The following TGFBR3 variants were observed in gnomAD, a reference collection of about 807,000 sequenced individuals.
TGFBR3 encodes transforming growth factor beta receptor type 3.
TGFBR3 carries 46 observed loss-of-function variants against 87.9 expected under a neutral mutation model. That is an observed-to-expected ratio of 0.52 (90% CI 0.41 to 0.67). The LOEUF (loss-of-function observed/expected upper bound fraction) is 0.67, where lower values mean the gene tolerates loss of function less well. Ranked by LOEUF, TGFBR3 falls within the 30% of genes least tolerant of loss-of-function variation. The pLI, the probability that TGFBR3 is intolerant of heterozygous loss-of-function variation, is 0.00. For missense variants in TGFBR3, 866 were observed against 1,041.9 expected (o/e 0.83, Z 2.32); for synonymous variants, 381 against 391.6 (o/e 0.97, Z 0.32).
In TGFBR3 at chr1:91,680,704, AAC is replaced by A. The variant is rs1267093176; in HGVS notation, c.*3033_*3034del. On this transcript the variant is annotated 3_prime_UTR_variant, in exon 17 of 17. Transcript: ENST00000212355. Reference sequence around the variant, plus strand: ...CTCACCCAACAAAATGTGCTCTGTTAACACAACCAGCAGTACAATCATCATTC... The same window carrying A: ...CTCACCCAACAAAATGTGCTCTGTTAACAACCAGCAGTACAATCATCATTC... The A allele has an allele frequency of 1.3e-5, 6 of 454,146 alleles. No homozygotes were observed. Among genetic ancestry groups the A allele is most frequent in the Non-Finnish European group, 2.6e-5 (6 of 226,796 alleles). The allele number at this position is 454,146 out of a possible 1,614,324, so 28.1% of individuals were successfully genotyped here.
intron 1 of TGFBR3, chr1:91,863,729 A>G (rs1678280386): frequency 6.6e-6 from 1 of 152,238 alleles, no homozygotes; most frequent in Admixed American, 6.5e-5. Flanking sequence ...GAACAAAATT[A>G]CCAGTCAAGT....
chr1:91,794,631 A>G (rs1675309001), intron 3 of TGFBR3, among the ~76,000 whole-genome samples: 1 of 152,204 alleles, frequency 6.6e-6, no homozygotes, highest in African/African-American at 2.4e-5. Context: ...TTTCACATAC[A>G]TGGAATCATA....
At chr1:91,803,911 T>C (rs1675737747) in intron 2 of TGFBR3, among the ~76,000 whole-genome samples, 2 of 152,214 alleles carry the variant, frequency 1.3e-5, no homozygotes, top group South Asian at 4.1e-4. Context: ...TAATTATTTG[T>C]GCAATTATTG....
intron 1 of TGFBR3, among the ~76,000 whole-genome samples, chr1:91,867,261 C>G (rs1044796086): frequency 2.6e-5 from 4 of 152,228 alleles, no homozygotes; most frequent in Non-Finnish European, 5.9e-5. Context: ...GAAGATTACT[C>G]TGGAACCACC....
intron 1 of TGFBR3, among the ~76,000 whole-genome samples, chr1:91,884,121 A>G (rs1406917774): frequency 1.3e-5 from 2 of 152,100 alleles, no homozygotes; most frequent in Non-Finnish European, 2.9e-5. Flanking sequence ...AGAAATCGAG[A>G]CCATCCTGGC....
At chr1:91,898,529 C>T (rs920916020) in intron 2 of TGFBR3, among the ~76,000 whole-genome samples, 3 of 152,134 alleles carry the variant, frequency 2.0e-5, no homozygotes, top group South Asian at 2.1e-4. Context: ...CTCCGCCTCC[C>T]GGGTTCACGC....
chr1:91,747,573 C>T (rs1382245066), intron 4 of TGFBR3, among the ~76,000 whole-genome samples: 1 of 152,206 alleles, frequency 6.6e-6, no homozygotes, highest in African/African-American at 2.4e-5. Context: ...TAAACAACAA[C>T]AAATTGCTCA....
At chr1:91,810,328 A>G (rs1675985864) in intron 2 of TGFBR3, among the ~76,000 whole-genome samples, 1 of 152,114 alleles carries the variant, frequency 6.6e-6, no homozygotes, top group African/African-American at 2.4e-5. Context: ...CAAAGTGCTG[A>G]GATTACAGGC....
intron 2 of TGFBR3, among the ~76,000 whole-genome samples, chr1:91,834,160 C>T (rs1033232782): frequency 1.3e-5 from 2 of 152,142 alleles, no homozygotes; most frequent in African/African-American, 4.8e-5. Flanking sequence ...TTTTAACACT[C>T]AAAGCTAAAC....
chr1:91,694,074 T>C (rs1250717053), intron 16 of TGFBR3, among the ~76,000 whole-genome samples: 1 of 152,084 alleles, frequency 6.6e-6, no homozygotes, highest in African/African-American at 2.4e-5. Context: ...CCATCACAGC[T>C]CACTTCAGCC....
intron 2 of TGFBR3, among the ~76,000 whole-genome samples, chr1:91,821,688 G>A (rs1006404299): frequency 3.3e-5 from 5 of 152,286 alleles, no homozygotes; most frequent in South Asian, 2.1e-4. Context: ...GCAACTCTAC[G>A]GACCTGGGGC....
chr1:91,851,629 A>C (rs1418471645), intron 2 of TGFBR3, among the ~76,000 whole-genome samples: 1 of 152,204 alleles, frequency 6.6e-6, no homozygotes, highest in Non-Finnish European at 1.5e-5. Flanking sequence ...TTTCCTATAT[A>C]CACAACCGTG....
chr1:91,791,353 A>C (rs998870692), intron 3 of TGFBR3, among the ~76,000 whole-genome samples: 103 of 152,334 alleles, frequency 6.8e-4, no homozygotes, highest in African/African-American at 2.4e-3. Flanking sequence ...ATTAGCAGCC[A>C]CATAGAGCAC....
In TGFBR3 at chr1:91,894,923, A is replaced by C. The variant is rs183312617; in HGVS notation, c.-114+4714T>G. Among the ~76,000 whole-genome samples, 674 of 152,210 alleles carry C rather than the reference A, an allele frequency of 4.4e-3. 6 individuals carry two copies. Among genetic ancestry groups the C allele is most frequent in the African/African-American group, 0.015 (619 of 41,552 alleles). On this transcript the variant is annotated intron_variant, in intron 2 of 17. Transcript: ENST00000370399. Reference sequence around the variant, plus strand: ...GTAGCTGGGACTACAGGTATGTACCACCACACCTGGCTAATTTTTTGTTTT... The same window carrying C: ...GTAGCTGGGACTACAGGTATGTACCCCCACACCTGGCTAATTTTTTGTTTT...
intron 13 of TGFBR3, among the ~76,000 whole-genome samples, chr1:91,710,839 C>A (rs568163141): frequency 6.6e-6 from 1 of 152,242 alleles, no homozygotes; most frequent in African/African-American, 2.4e-5. Flanking sequence ...CAGGCTCTTT[C>A]CATGTTATCT....
At chr1:91,704,005 C>T (rs776847666) in intron 14 of TGFBR3, among the ~76,000 whole-genome samples, 4 of 152,054 alleles carry the variant, frequency 2.6e-5, no homozygotes, top group Non-Finnish European at 4.4e-5. Flanking sequence ...TGGGGTGTTA[C>T]CTTGAATACT....
chr1:91,784,738 G>A (rs2100974840), intron 3 of TGFBR3, among the ~76,000 whole-genome samples: 1 of 152,262 alleles, frequency 6.6e-6, no homozygotes, highest in East Asian at 1.9e-4. Flanking sequence ...TAAGCCCAGG[G>A]GGAGGCTCAG....
chr1:91,783,476 T>C (rs1674846602), intron 3 of TGFBR3, among the ~76,000 whole-genome samples: 2 of 152,296 alleles, frequency 1.3e-5, no homozygotes, highest in South Asian at 2.1e-4. Context: ...ATGGCTGCAA[T>C]GGAAGCCAAA....
chr1:91,754,110 T>C (rs139213063), intron 4 of TGFBR3, among the ~76,000 whole-genome samples: 1 of 152,338 alleles, frequency 6.6e-6, no homozygotes, highest in Non-Finnish European at 1.5e-5. Context: ...ACTCATGATA[T>C]TGAGCATCTT....
Sources: allele counts gnomAD v4.1 joint callset (sites outside exome capture counted in the v4.1 genomes callset), GRCh38; gene constraint gnomAD v4.1.1; transcripts MANE v1.5; gene names NCBI Gene and HGNC (gene_info 2026-07-23, HGNC 2026-07-21).